Variants in EIF3L observed in about 807,000 individuals in gnomAD.
EIF3L encodes the protein eukaryotic translation initiation factor 3 subunit L.
In EIF3L, 32 loss-of-function variants were observed where a neutral mutation model predicts 74.6. The observed-to-expected ratio is 0.43, with a 90% CI of 0.32 to 0.58. EIF3L has a LOEUF of 0.58. Among genes scored for constraint, EIF3L ranks in the 20% least tolerant of loss-of-function variants. The probability of loss-of-function intolerance (pLI) is 0.06; values close to 1 mark genes in which losing one functional copy is unlikely to be tolerated. For synonymous variants in EIF3L, 256 were observed against 254.4 expected, an observed-to-expected ratio of 1.01 and a Z score of -0.06; for missense variants, 474 against 707.8, an observed-to-expected ratio of 0.67 and a Z score of 3.75.
intron 3 of EIF3L, among the ~76,000 whole-genome samples, chr22:37,855,334 C>T (rs547170430): frequency 6.6e-6 from 1 of 152,238 alleles, no homozygotes; most frequent in East Asian, 1.9e-4. Flanking sequence ...GGAGATTATC[C>T]TGAAAAGCTT....
In EIF3L at chr22:37,874,488, C is replaced by T. The variant is rs553376364; in HGVS notation, c.870C>T (p.Ala290=). ...LHSLLGDYYQ[A]IKVLENIELN... ...CCCTGTTAGGAGATTACTACCAGGC[C>T]ATCAAGGTGCTGGAGAACATCGAAC... The change falls in exon 9 of 13, where the codon GCC becomes GCT. Residue 290 remains alanine (A), a synonymous_variant. Coordinates refer to ENST00000652021, the MANE Select transcript of EIF3L (RefSeq NM_016091.4). The T allele has an allele frequency of 5.0e-6, 8 of 1,614,138 alleles. No homozygotes were observed. In the Admixed American group the frequency reaches 5.0e-5, roughly 10 times the overall value.
At chr22:37,878,417 T>TAAA (rs34181613) in intron 11 of EIF3L, 20 of 143,174 alleles carry the variant, frequency 1.4e-4, no homozygotes, top group South Asian at 6.6e-4. Context: ...TTTTCTCTAT[T>TAAA]AAAAAAAAAA....
intron 3 of EIF3L, among the ~76,000 whole-genome samples, chr22:37,852,982 T>C (rs6000909): frequency 0.072 from 10,908 of 152,166 alleles, 1,310 homozygotes; most frequent in African/African-American, 0.25. Flanking sequence ...GGTTAGCAGC[T>C]GAAGGGTGTT....
At chr22:37,858,608 C>A in intron 4 of EIF3L, 71 bp from the exon 5 acceptor site, 2 of 1,393,354 alleles carry the variant, frequency 1.4e-6, no homozygotes, top group Non-Finnish European at 2.0e-6. Context: ...TTCCTCCCCA[C>A]CAAAGAGCTA....
At chr22:37,876,205 C>G in intron 10 of EIF3L, 194 bp downstream of exon 10, 1 of 558,182 alleles carries the variant, frequency 1.8e-6, no homozygotes, top group South Asian at 2.6e-5. Flanking sequence ...TCACAGCTCA[C>G]GTCAGCCTCA....
At chr22:37,876,135 G>A (rs1458514350) in intron 10 of EIF3L, 124 bp downstream of exon 10, 4 of 1,015,854 alleles carry the variant, frequency 3.9e-6, no homozygotes, top group Non-Finnish European at 5.7e-6. Context: ...GTTCAAGACT[G>A]TAGAGCGCTC....
intron 8 of EIF3L, 101 bp downstream of exon 8, chr22:37,870,448 T>G: frequency 8.4e-7 from 1 of 1,191,024 alleles, no homozygotes; most frequent in South Asian, 1.6e-5. Context: ...TGAGTCACCA[T>G]GTCTTAGGTG....
At chr22:37,878,974 T>TG (rs1206307206) in intron 11 of EIF3L, 2 of 148,312 alleles carry the variant, frequency 1.3e-5, no homozygotes, top group Non-Finnish European at 3.0e-5. Flanking sequence ...TTGACAGTCT[T>TG]GGTCTGTCGC....
At chr22:37,867,032 GT>G (rs933952796) in intron 7 of EIF3L, among the ~76,000 whole-genome samples, 2 of 152,096 alleles carry the variant, frequency 1.3e-5, no homozygotes, top group African/African-American at 4.8e-5. Context: ...GCAACTGTTG[GT>G]TTTTTTGTTT....
chr22:37,888,238 A>G, intron 12 of EIF3L, 188 bp from the exon 13 acceptor site: 1 of 558,170 alleles, frequency 1.8e-6, no homozygotes. Flanking sequence ...TAAAAGAATA[A>G]TCCGCGTGAA....
In EIF3L at chr22:37,863,779, G is replaced by A. The variant is rs760036781; in HGVS notation, c.579+434G>A. On this transcript the variant is annotated intron_variant, in intron 7 of 12. Transcript: ENST00000652021. ...TTATCTTTTTTTTTTTAAGAGTCAG[G>A]GTCAGGCCGGGCGCGGTGACTCACG... Among the ~76,000 whole-genome samples, 118 of 151,896 alleles carry A rather than the reference G, an allele frequency of 7.8e-4. 1 individual carries two copies. Among genetic ancestry groups the A allele is most frequent in the Middle Eastern group, 3.2e-3 (1 of 316 alleles).
intron 11 of EIF3L, 84 bp from the exon 12 acceptor site, chr22:37,886,681 C>T: frequency 1.7e-6 from 2 of 1,173,866 alleles, no homozygotes; most frequent in Non-Finnish European, 2.5e-6. Flanking sequence ...ATCATTATCA[C>T]TTGCAAGTCC....
intron 12 of EIF3L, 38 bp downstream of exon 12, chr22:37,886,883 G>C: frequency 6.5e-7 from 1 of 1,535,956 alleles, no homozygotes; most frequent in Non-Finnish European, 9.0e-7. Context: ...GTTGGCTCAG[G>C]ACAGAGCTTA....
intron 7 of EIF3L, among the ~76,000 whole-genome samples, chr22:37,869,513 A>T (rs1926359821): frequency 1.3e-5 from 2 of 152,146 alleles, no homozygotes; most frequent in Admixed American, 6.6e-5. Flanking sequence ...CACCAGATTC[A>T]ACCAGAGAAC....
At chr22:37,878,309 G>A in intron 11 of EIF3L, 138 bp downstream of exon 11, 1 of 1,137,526 alleles carries the variant, frequency 8.8e-7, no homozygotes, top group East Asian at 2.5e-5. Context: ...CAGGTGTGGT[G>A]GCTCATGCCA....
chr22:37,881,502 G>C (rs1336612046), intron 11 of EIF3L: 1 of 152,146 alleles, frequency 6.6e-6, no homozygotes, highest in African/African-American at 2.4e-5. Context: ...TCTGCCTCCC[G>C]GGTTCAGGCG....
chr22:37,858,220 T>C (rs1370805680), intron 4 of EIF3L, among the ~76,000 whole-genome samples: 1 of 23,900 alleles, frequency 4.2e-5, no homozygotes, highest in Admixed American at 4.0e-4. Context: ...TCTTTCTTCC[T>C]TTTTTTTTTT....
At chr22:37,863,883 G>A (rs1392740784) in intron 7 of EIF3L, among the ~76,000 whole-genome samples, 2 of 152,024 alleles carry the variant, frequency 1.3e-5, no homozygotes, top group Non-Finnish European at 2.9e-5. Flanking sequence ...GGCTAACACG[G>A]TGAAACCCCG....
At chr22:37,873,588 C>T (rs541378613) in intron 8 of EIF3L, among the ~76,000 whole-genome samples, 2 of 152,156 alleles carry the variant, frequency 1.3e-5, no homozygotes, top group Admixed American at 6.6e-5. Flanking sequence ...CCACCGCTCC[C>T]GACCTATGTA....
Sources: allele counts gnomAD v4.1 joint callset (sites outside exome capture counted in the v4.1 genomes callset), GRCh38; gene constraint gnomAD v4.1.1; transcripts MANE v1.5; gene names NCBI Gene and HGNC (gene_info 2026-07-23, HGNC 2026-07-21).